Variants in CTTNBP2NL observed in about 807,000 individuals in gnomAD.
CTTNBP2NL encodes CTTNBP2 N-terminal-like protein.
Under a neutral mutation model 32.5 loss-of-function variants are expected in CTTNBP2NL, and 16 were observed. That is an observed-to-expected ratio of 0.49 (90% CI 0.33 to 0.75). The LOEUF is 0.75. Ranked by LOEUF, CTTNBP2NL falls within the 30% of genes least tolerant of loss-of-function variation. The probability of loss-of-function intolerance (pLI) is 0.02; values close to 1 mark genes in which losing one functional copy is unlikely to be tolerated. For synonymous variants in CTTNBP2NL, 298 were observed against 289.4 expected, an observed-to-expected ratio of 1.03 and a Z score of -0.30; for missense variants, 645 against 756.0, an observed-to-expected ratio of 0.85 and a Z score of 1.72.
rs1169874307 is a variant in CTTNBP2NL, at chr1:112,429,224, T to C, written c.99+12960T>C. On this transcript the variant is annotated intron_variant, in intron 3 of 5. Transcript: ENST00000271277. ...TAACTGTGCTCAGCTAAATGAACTA[T>C]GGGATCTGACCATAAGAGATAAAAT... 2.6e-5 allele frequency among the ~76,000 whole-genome samples: 4 copies of C among 152,252 alleles called. No individual in the cohort carries two copies. In the East Asian group the frequency reaches 7.7e-4, roughly 29 times the overall value.
chr1:112,434,296 T>A (rs1649663199), intron 3 of CTTNBP2NL, among the ~76,000 whole-genome samples: 1 of 152,162 alleles, frequency 6.6e-6, no homozygotes, highest in African/African-American at 2.4e-5. Flanking sequence ...AGTCTCAGCA[T>A]CCTTCCCTAA....
chr1:112,443,727 T>C (rs914859453), intron 3 of CTTNBP2NL, among the ~76,000 whole-genome samples: 4 of 152,222 alleles, frequency 2.6e-5, no homozygotes, highest in African/African-American at 4.8e-5. Flanking sequence ...AAAAATAAAG[T>C]TTAATTTAAA....
chr1:112,456,806 G>C lies in CTTNBP2NL; in HGVS notation c.1314G>C (p.Leu438Phe). Reference sequence around the variant, plus strand: ...CGCCGGTACTCACTAAGCGTTTATTGGGGTCATCAGCTAGCAGCCCTGGCT... The same window carrying C: ...CGCCGGTACTCACTAAGCGTTTATTCGGGTCATCAGCTAGCAGCCCTGGCT... Reference protein sequence around the residue: ...CSSPVLTKRLLGSSASSPGYQ... With the variant: ...CSSPVLTKRLFGSSASSPGYQ... Residue 438 changes from leucine to phenylalanine, a missense_variant, in exon 6 of 6, where the codon TTG becomes TTC. Physicochemically the swap from Leu to Phe is conservative, Grantham distance 22. Transcript: ENST00000271277. 1 of 1,613,988 alleles carries C rather than the reference G, an allele frequency of 6.2e-7. No homozygotes were observed. Among genetic ancestry groups the C allele is most frequent in the Non-Finnish European group, 8.5e-7 (1 of 1,180,020 alleles).
intron 1 of CTTNBP2NL, among the ~76,000 whole-genome samples, chr1:112,409,922 TG>T (rs1237570770): frequency 6.6e-6 from 1 of 152,082 alleles, no homozygotes; most frequent in Non-Finnish European, 1.5e-5. Flanking sequence ...GTGGGGTAGT[TG>T]GGGGGATGCA....
chr1:112,404,442 A>G (rs886657912), intron 1 of CTTNBP2NL, among the ~76,000 whole-genome samples: 11 of 152,296 alleles, frequency 7.2e-5, no homozygotes, highest in Admixed American at 2.0e-4. Context: ...AATCCTTCAT[A>G]CCATACTCTG....
At chr1:112,452,023 A>G (rs1650235137) in intron 4 of CTTNBP2NL, among the ~76,000 whole-genome samples, 1 of 152,118 alleles carries the variant, frequency 6.6e-6, no homozygotes, top group African/African-American at 2.4e-5. Flanking sequence ...GTGGGGTTTT[A>G]GTCTTTTTAT....
At position 112,459,814 on chromosome 1, in the gene CTTNBP2NL, T is replaced by C. The variant is rs1267055158; in HGVS notation, c.*2402T>C. On this transcript the variant is annotated 3_prime_UTR_variant, in exon 6 of 6. Transcript: ENST00000271277. The stretch of plus-strand genomic sequence containing the variant: ...CTCTTCCTTTGTTTTGGGATAGATA[T>C]ATATAGAGAGAGATACTATAAGGAA... The C allele has an allele frequency of 6.6e-6, 1 of 152,232 alleles. No homozygotes were observed. The highest frequency in any genetic ancestry group is 1.5e-5 in the Non-Finnish European group (1 of 68,046). The allele number at this position is 152,232 out of a possible 1,614,324, so 9.4% of individuals were successfully genotyped here.
At chr1:112,448,081 A>G (rs1246617336) in intron 3 of CTTNBP2NL, among the ~76,000 whole-genome samples, 1 of 152,216 alleles carries the variant, frequency 6.6e-6, no homozygotes, top group African/African-American at 2.4e-5. Context: ...TTATACTCCC[A>G]ACTGGGTACC....
intron 2 of CTTNBP2NL, among the ~76,000 whole-genome samples, chr1:112,412,703 A>T (rs12094422): frequency 0.019 from 2,527 of 133,312 alleles, 85 homozygotes; most frequent in African/African-American, 0.07. Context: ...TGCCATCTCC[A>T]CCTCCCAGGT....
At chr1:112,406,470 G>C (rs1198197701) in intron 1 of CTTNBP2NL, among the ~76,000 whole-genome samples, 1 of 152,180 alleles carries the variant, frequency 6.6e-6, no homozygotes, top group Non-Finnish European at 1.5e-5. Flanking sequence ...GAGGCTTTGA[G>C]CAAGTTTTTT....
chr1:112,451,020 G>A (rs2101031741), intron 4 of CTTNBP2NL, among the ~76,000 whole-genome samples: 1 of 151,972 alleles, frequency 6.6e-6, no homozygotes, highest in African/African-American at 2.4e-5. Context: ...AAATGTTCTG[G>A]TTTGAATAAT....
chr1:112,408,800 T>G (rs1777608), intron 1 of CTTNBP2NL, among the ~76,000 whole-genome samples: 51,268 of 151,956 alleles, frequency 0.34, 9,091 homozygotes, highest in East Asian at 0.55. Flanking sequence ...TTTACTGGCC[T>G]CCTATATTTT....
intron 3 of CTTNBP2NL, among the ~76,000 whole-genome samples, chr1:112,441,068 A>G (rs1327324023): frequency 6.6e-6 from 1 of 152,214 alleles, no homozygotes; most frequent in Non-Finnish European, 1.5e-5. Context: ...TAATTTGGAT[A>G]TAGTGAAATG....
At chr1:112,424,948 T>G (rs1649348069) in intron 3 of CTTNBP2NL, among the ~76,000 whole-genome samples, 1 of 151,616 alleles carries the variant, frequency 6.6e-6, no homozygotes, top group African/African-American at 2.4e-5. Context: ...CCCAAGTAGC[T>G]AGGACTACAG....
At chr1:112,423,797 C>T (rs1038392982) in intron 3 of CTTNBP2NL, among the ~76,000 whole-genome samples, 1 of 152,230 alleles carries the variant, frequency 6.6e-6, no homozygotes, top group African/African-American at 2.4e-5. Context: ...GATCTCGGCT[C>T]ACTGCAACCT....
intron 3 of CTTNBP2NL, among the ~76,000 whole-genome samples, chr1:112,447,135 G>T (rs367811179): frequency 1.3e-5 from 2 of 151,854 alleles, no homozygotes; most frequent in Admixed American, 1.3e-4. Context: ...TTAGCCGGGC[G>T]TGGTGGTGGG....
intron 2 of CTTNBP2NL, among the ~76,000 whole-genome samples, chr1:112,414,001 C>CTGCA (rs1432010940): frequency 2.6e-5 from 4 of 151,750 alleles, no homozygotes; most frequent in African/African-American, 9.7e-5. Context: ...TGAGCCAAGA[C>CTGCA]TGCACCATTG....
In CTTNBP2NL at chr1:112,410,691, G is replaced by A. The variant is rs145239438; in HGVS notation, c.-133-1503G>A. ...GAAAGTTGGGTCTTGGAAGGAATTA[G>A]CTGAGCATTTAGTTGAAATGATCTT... On this transcript the variant is annotated intron_variant, in intron 1 of 5. Transcript: ENST00000271277. Among the ~76,000 whole-genome samples the A allele has an allele frequency of 3.5e-3, 527 of 152,310 alleles. 3 individuals carry two copies. Among genetic ancestry groups the A allele is most frequent in the African/African-American group, 0.012 (489 of 41,562 alleles).
chr1:112,411,312 C>G (rs1648856984), intron 1 of CTTNBP2NL, among the ~76,000 whole-genome samples: 1 of 152,122 alleles, frequency 6.6e-6, no homozygotes, highest in African/African-American at 2.4e-5. Flanking sequence ...AAATAAAAGG[C>G]AAAGATTACA....
Sources: gnomAD v4.1 joint callset for allele counts (sites outside exome capture counted in the v4.1 genomes callset) on GRCh38, gnomAD v4.1.1 for gene constraint, MANE v1.5 for transcripts, NCBI Gene and HGNC (gene_info 2026-07-23, HGNC 2026-07-21) for gene names.